PTPRT: variants seen among roughly 807,000 people sequenced by gnomAD.
The protein encoded by PTPRT is receptor-type tyrosine-protein phosphatase T.
In PTPRT, 56 loss-of-function variants were observed where a neutral mutation model predicts 176.8. The observed-to-expected ratio is 0.32, with a 90% CI of 0.26 to 0.40. The LOEUF is 0.40. Among genes scored for constraint, PTPRT ranks in the 10% least tolerant of loss-of-function variants. The pLI is 1.00. For missense variants in PTPRT, 1,540 were observed against 1,908.2 expected (o/e 0.81, Z 3.60); for synonymous variants, 783 against 739.0 (o/e 1.06, Z -0.96).
chr20:43,150,543 A>T (rs1457501977), intron 1 of PTPRT, among the ~76,000 whole-genome samples: 1 of 151,584 alleles, frequency 6.6e-6, no homozygotes, highest in Admixed American at 6.6e-5. Context: ...TGCAACCTCC[A>T]CCTCCCAGGT....
At chr20:42,459,917 A>G (rs770053969) in intron 8 of PTPRT, among the ~76,000 whole-genome samples, 1 of 151,302 alleles carries the variant, frequency 6.6e-6, no homozygotes, top group Non-Finnish European at 1.5e-5. Context: ...ATCCCCAGCC[A>G]GAAGGGATTT....
chr20:42,646,112 C>T (rs2074892331), intron 7 of PTPRT, among the ~76,000 whole-genome samples: 1 of 151,992 alleles, frequency 6.6e-6, no homozygotes, highest in Non-Finnish European at 1.5e-5. Flanking sequence ...GGTCAGGTGC[C>T]CAGGAATCAC....
chr20:42,680,545 G>A (rs75312151), intron 6 of PTPRT, among the ~76,000 whole-genome samples: 4,446 of 152,240 alleles, frequency 0.029, 231 homozygotes, highest in African/African-American at 0.1. Context: ...AGTCTCCAAT[G>A]AGGCCCCAGG....
chr20:42,047,747 G>A, the PTPRT span, among the ~76,000 whole-genome samples: 1 of 152,228 alleles, frequency 6.6e-6, no homozygotes, highest in East Asian at 1.9e-4. Flanking sequence ...AGATTTGTCA[G>A]TCACATTTTC....
chr20:42,213,451 T>C (rs2055694161), intron 15 of PTPRT, among the ~76,000 whole-genome samples: 1 of 152,216 alleles, frequency 6.6e-6, no homozygotes, highest in Admixed American at 6.5e-5. Flanking sequence ...CTGATGCTTT[T>C]AAAATGATTG....
intron 7 of PTPRT, among the ~76,000 whole-genome samples, chr20:42,489,262 G>A (rs1220675524): frequency 6.6e-6 from 1 of 151,984 alleles, no homozygotes; most frequent in East Asian, 1.9e-4. Context: ...CAGGCACATG[G>A]TCAGGTTGTA....
chr20:43,001,206 T>C (rs1422333830), intron 1 of PTPRT, among the ~76,000 whole-genome samples: 1 of 152,150 alleles, frequency 6.6e-6, no homozygotes, highest in African/African-American at 2.4e-5. Flanking sequence ...CAAGGAATCA[T>C]GAATGCACTA....
At chr20:42,276,512 TA>T (rs1339858427) in intron 13 of PTPRT, among the ~76,000 whole-genome samples, 3 of 16,810 alleles carry the variant, frequency 1.8e-4, no homozygotes, top group East Asian at 2.9e-3. Flanking sequence ...TATATATATA[TA>T]TATATATATA....
intron 1 of PTPRT, among the ~76,000 whole-genome samples, chr20:43,134,712 G>A (rs2013767393): frequency 6.6e-6 from 1 of 152,004 alleles, no homozygotes; most frequent in Non-Finnish European, 1.5e-5. Flanking sequence ...TCTTTAACAG[G>A]GCTGATTCAA....
the PTPRT span, among the ~76,000 whole-genome samples, chr20:42,051,329 T>G: frequency 6.6e-6 from 1 of 152,160 alleles, no homozygotes; most frequent in South Asian, 2.1e-4. Flanking sequence ...TCTGCAGGAG[T>G]AACTCTGAGA....
At chr20:42,183,536 T>C (rs764751728) in intron 16 of PTPRT, among the ~76,000 whole-genome samples, 2 of 152,230 alleles carry the variant, frequency 1.3e-5, no homozygotes, top group African/African-American at 2.4e-5. Flanking sequence ...AATAGCAGAA[T>C]TATCACGCTA....
intron 9 of PTPRT, among the ~76,000 whole-genome samples, chr20:42,422,511 C>T (rs2059127610): frequency 6.6e-6 from 1 of 152,196 alleles, no homozygotes; most frequent in East Asian, 1.9e-4. Context: ...CATCTGACAC[C>T]AGTCAGAATG....
intron 7 of PTPRT, among the ~76,000 whole-genome samples, chr20:42,648,857 C>CGCCCAGGCT (rs1367111286): frequency 8.0e-6 from 1 of 125,238 alleles, no homozygotes; most frequent in Non-Finnish European, 1.6e-5. Context: ...CTGGCTCTGT[C>CGCCCAGGCT]GCCCAGGCTG....
At chr20:43,016,436 C>T (rs776100462) in intron 1 of PTPRT, among the ~76,000 whole-genome samples, 2 of 151,904 alleles carry the variant, frequency 1.3e-5, no homozygotes, top group South Asian at 2.1e-4. Context: ...TCTCCCCTTT[C>T]CTTTCCCTGC....
Position 43,172,869 on chromosome 20 carries a change from CT to C in PTPRT, c.88+16776del, listed in dbSNP as rs1156414727. Among the ~76,000 whole-genome samples the C allele has an allele frequency of 9.1e-3, 1,065 of 117,500 alleles. 5 individuals are homozygous for C. Among genetic ancestry groups the C allele is most frequent in the African/African-American group, 0.025 (749 of 29,582 alleles). 77.1% of individuals were successfully genotyped at this position (117,500 alleles called of 152,430 possible). The stretch of plus-strand genomic sequence containing the variant: ...ACAGTCTGAGATCAGAGTCTGCAGT[CT>C]TTTTTTTTTTTTTTTTTTTGAGATG... On this transcript the variant is annotated intron_variant, in intron 1 of 30. Coordinates refer to ENST00000373187, the MANE Select transcript of PTPRT (RefSeq NM_007050.6).
At chr20:42,701,899 C>A (rs1339794664) in intron 6 of PTPRT, among the ~76,000 whole-genome samples, 1 of 152,096 alleles carries the variant, frequency 6.6e-6, no homozygotes, top group Non-Finnish European at 1.5e-5. Flanking sequence ...TTGTTTCTGC[C>A]CATTTTACAG....
chr20:42,451,224 T>C (rs1004152852), intron 8 of PTPRT, among the ~76,000 whole-genome samples: 56 of 151,962 alleles, frequency 3.7e-4, no homozygotes, highest in African/African-American at 1.3e-3. Context: ...GACTTGGTGG[T>C]GATAGATAAG....
chr20:42,285,459 A>C (rs1194859138), intron 12 of PTPRT, among the ~76,000 whole-genome samples: 1 of 152,040 alleles, frequency 6.6e-6, no homozygotes, highest in Non-Finnish European at 1.5e-5. Context: ...TAATTTCTAA[A>C]TATGTATCTT....
chr20:42,316,503 C>G (rs1283481846), intron 11 of PTPRT, among the ~76,000 whole-genome samples: 1 of 152,200 alleles, frequency 6.6e-6, no homozygotes, highest in Non-Finnish European at 1.5e-5. Context: ...CTCTTTGCCT[C>G]TAAGGCACTT....
Sources: gnomAD v4.1 joint callset for allele counts (sites outside exome capture counted in the v4.1 genomes callset) on GRCh38, gnomAD v4.1.1 for gene constraint, MANE v1.5 for transcripts, NCBI Gene and HGNC (gene_info 2026-07-23, HGNC 2026-07-21) for gene names.